Variants in GRM4 observed in about 807,000 individuals in gnomAD.
GRM4 encodes the protein glutamate metabotropic receptor 4.
In GRM4, 28 loss-of-function variants were observed where a neutral mutation model predicts 81.7. The observed-to-expected ratio is 0.34, with a 90% confidence interval of 0.25 to 0.47. The LOEUF (loss-of-function observed/expected upper bound fraction) is 0.47. GRM4 is among the 20% of genes least tolerant of loss of function. The pLI, the probability that GRM4 is intolerant of heterozygous loss-of-function variation, is 1.00. For missense variants in GRM4, 948 were observed against 1,290.0 expected (o/e 0.73, Z 4.06); for synonymous variants, 488 against 528.8 (o/e 0.92, Z 1.06).
chr6:34,082,986 G>A (rs1487574486), intron 3 of GRM4, among the ~76,000 whole-genome samples: 1 of 152,176 alleles, frequency 6.6e-6, no homozygotes, highest in Non-Finnish European at 1.5e-5. Flanking sequence ...ACCAGCAAAG[G>A]GAATTTTTTC....
intron 2 of GRM4, among the ~76,000 whole-genome samples, chr6:34,132,179 G>A (rs1478620886): frequency 6.6e-6 from 1 of 152,176 alleles, no homozygotes; most frequent in Non-Finnish European, 1.5e-5. Flanking sequence ...GGCAAGGAGG[G>A]GGCTGGGAGG....
rs919574942 is a variant in GRM4 at position 34,118,966 on chromosome 6, C to T, written c.519+14012G>A. Among the ~76,000 whole-genome samples the T allele has an allele frequency of 2.0e-5, 3 of 152,336 alleles. No homozygotes were observed. The South Asian group carries it at 6.2e-4, about 32-fold the overall frequency. ...TGTTCATGGTTGAATCAGGTACTCGCTGCTAACTTCCAGTAGGTTCTCTGC... is the reference window on the plus strand; with the variant it reads ...TGTTCATGGTTGAATCAGGTACTCGTTGCTAACTTCCAGTAGGTTCTCTGC... On this transcript the variant is annotated intron_variant, in intron 2 of 10. Coordinates refer to ENST00000538487, the MANE Select transcript of GRM4 (RefSeq NM_000841.4).
chr6:34,053,411 A>G (rs1025192993), intron 6 of GRM4, among the ~76,000 whole-genome samples: 2 of 152,176 alleles, frequency 1.3e-5, no homozygotes, highest in Admixed American at 6.5e-5. Flanking sequence ...AGGTCCCACA[A>G]ACATTCCCAG....
intron 3 of GRM4, among the ~76,000 whole-genome samples, chr6:34,065,055 A>G (rs1000410841): frequency 3.9e-5 from 6 of 152,132 alleles, no homozygotes; most frequent in Admixed American, 3.3e-4. Context: ...ACTGAGAATA[A>G]AGGGGCAGTG....
chr6:34,081,429 C>T (rs1459303868), intron 3 of GRM4, among the ~76,000 whole-genome samples: 4 of 152,174 alleles, frequency 2.6e-5, no homozygotes, highest in South Asian at 4.2e-4. Context: ...CATGGGAGGC[C>T]GAGTCTCTTC....
At position 34,061,924 on chromosome 6, in the gene GRM4, C is replaced by T. The variant is rs772244694; in HGVS notation, c.841G>A (p.Val281Ile). 1.3e-5 allele frequency: 21 copies of T among 1,613,604 alleles called. No individual in the cohort carries two copies. In the South Asian group the frequency reaches 2.3e-4, roughly 18 times the overall value. The change falls in exon 4 of 11, where the codon GTC becomes ATC. Residue 281 changes from valine (V) to isoleucine (I), a missense_variant. Transcript: ENST00000538487. ...RLLETSNARA[V>I]IIFANEDDIR... ...TCATCCTCGTTGGCAAAGATGATGACTGCCCTGGCGTTCGAAGTCTCCAGG... is the reference window on the plus strand; with the variant it reads ...TCATCCTCGTTGGCAAAGATGATGATTGCCCTGGCGTTCGAAGTCTCCAGG...
chr6:34,023,009 C>G, intron 10 of GRM4, 139 bp from the exon 11 acceptor site: 2 of 718,096 alleles, frequency 2.8e-6, no homozygotes, highest in East Asian at 2.7e-5. Flanking sequence ...GCTGAGCAAT[C>G]GACACTGCCC....
In GRM4 at chr6:34,133,260, C is replaced by T. The variant is rs1330827630; in HGVS notation, c.237G>A (p.Leu79=). Residue 79 remains leucine (L), a synonymous_variant, in exon 2 of 11, where the codon CTG becomes CTA. Transcript: ENST00000538487. This position sits in a 1 kb window ranked among gnomAD's most constrained non-coding sequence, Gnocchi z 6.5. ...ELKKEKGIHR[L]EAMLFALDRI... ...GATCCAGGGCGAACAGCATGGCCTC[C>T]AGCCGGTGGATGCCCTTTTCCTTCT... 3.7e-6 allele frequency: 6 copies of T among 1,614,110 alleles called. No homozygotes were observed. Among genetic ancestry groups the T allele is most frequent in the Non-Finnish European group, 5.1e-6 (6 of 1,180,044 alleles).
chr6:34,052,544 C>T (rs1768699729), intron 6 of GRM4, among the ~76,000 whole-genome samples: 1 of 152,170 alleles, frequency 6.6e-6, no homozygotes, highest in African/African-American at 2.4e-5. Flanking sequence ...ACTTGCTCTC[C>T]GTGAGACCTT....
chr6:34,073,442 A>G lies in GRM4; in HGVS notation c.737-11414T>C, dbSNP rs933859915. ...ACCACACACACACACACACCATCAT[A>G]CCACACACAGAAACACATCCACACA... On this transcript the variant is annotated intron_variant, in intron 3 of 10. Transcript: ENST00000538487. 4.5e-4 allele frequency among the ~76,000 whole-genome samples: 68 copies of G among 150,662 alleles called. 1 individual carries two copies. The highest frequency in any genetic ancestry group is 1.6e-3 in the African/African-American group (66 of 40,712).
rs1362912716 is a variant in GRM4, at chr6:34,121,871, G to C, written c.519+11107C>G. Among the ~76,000 whole-genome samples the C allele has an allele frequency of 6.6e-6, 1 of 152,004 alleles. No individual in the cohort carries two copies. Among genetic ancestry groups the C allele is most frequent in the African/African-American group, 2.4e-5 (1 of 41,370 alleles). On this transcript the variant is annotated intron_variant, in intron 2 of 10. Coordinates refer to ENST00000538487, the MANE Select transcript of GRM4 (RefSeq NM_000841.4). The surrounding 1 kb of genome is among the most constrained non-coding windows in gnomAD (Gnocchi z 4.6). ...TGCCAGGCACTGAGCTAATCACCTT[G>C]TGCTGTTCCACCCTACCCACAGGCA... is the stretch of plus-strand genomic sequence containing the variant.
At chr6:34,067,424 C>T (rs1266257426) in intron 3 of GRM4, among the ~76,000 whole-genome samples, 1 of 113,362 alleles carries the variant, frequency 8.8e-6, no homozygotes, top group Non-Finnish European at 1.8e-5. Context: ...CTCCCTCCGT[C>T]CTTCCCTCCC....
At chr6:34,096,692 G>C (rs78729280) in intron 2 of GRM4, among the ~76,000 whole-genome samples, 1 of 152,158 alleles carries the variant, frequency 6.6e-6, no homozygotes. Flanking sequence ...AGGTTGTATG[G>C]CCCCTGGAGT....
At chr6:34,127,937 C>A (rs998168819) in intron 2 of GRM4, among the ~76,000 whole-genome samples, 1 of 152,172 alleles carries the variant, frequency 6.6e-6, no homozygotes, top group Admixed American at 6.5e-5. Flanking sequence ...AGGGCCACAC[C>A]CATAGCCCCG....
Position 34,096,279 on chromosome 6 carries a change from G to A in GRM4, c.520-4180C>T, listed in dbSNP as rs549654369. Among the ~76,000 whole-genome samples, 139 of 152,164 alleles carry A rather than the reference G, an allele frequency of 9.1e-4. 1 individual carries two copies. Among genetic ancestry groups the A allele is most frequent in the Middle Eastern group, 3.4e-3 (1 of 294 alleles). ...CTCTGTCCCTTTCTCCTTCCTCTTTGTCTATTTTCCTCTGTCCCCAGAGTC... is the reference window on the plus strand; with the variant it reads ...CTCTGTCCCTTTCTCCTTCCTCTTTATCTATTTTCCTCTGTCCCCAGAGTC... On this transcript the variant is annotated intron_variant, in intron 2 of 10. Transcript: ENST00000538487.
chr6:34,079,410 CAA>C (rs1486685286), intron 3 of GRM4, among the ~76,000 whole-genome samples: 1 of 152,212 alleles, frequency 6.6e-6, no homozygotes, highest in Non-Finnish European at 1.5e-5. Flanking sequence ...GCCAGAGACA[CAA>C]GAGATTTTTG....
chr6:34,155,044 G>T, intron 1 of GRM4: 1 of 1,452,840 alleles, frequency 6.9e-7, no homozygotes, highest in South Asian at 1.4e-5. Context: ...TCCCACGCCC[G>T]GGGACACGCC....
At position 34,068,760 on chromosome 6, in the gene GRM4, A is replaced by G. The variant is rs1766621511; in HGVS notation, c.737-6732T>C. On this transcript the variant is annotated intron_variant, in intron 3 of 10. Transcript: ENST00000538487. The surrounding 1 kb of genome is among the most constrained non-coding windows in gnomAD (Gnocchi z 4.2). ...GTGGGGAGACAGTCAGGGGTCCCCC[A>G]GGCTGTCACCTTGGACACTGGGCTC... 6.6e-6 allele frequency among the ~76,000 whole-genome samples: 1 copy of G among 151,990 alleles called. No individual in the cohort carries two copies. The highest frequency in any genetic ancestry group is 2.4e-5 in the African/African-American group (1 of 41,368).
intron 2 of GRM4, among the ~76,000 whole-genome samples, chr6:34,129,940 G>A (rs567817823): frequency 1.3e-5 from 2 of 152,266 alleles, no homozygotes; most frequent in Non-Finnish European, 2.9e-5. Context: ...AGGAAGGAAA[G>A]CTATCATCAC....
Sources: allele counts gnomAD v4.1 joint callset (sites outside exome capture counted in the v4.1 genomes callset), GRCh38; gene constraint gnomAD v4.1.1; non-coding constraint Gnocchi (gnomAD v3.1); transcripts MANE v1.5; gene names NCBI Gene and HGNC (gene_info 2026-07-23, HGNC 2026-07-21).